TECPR2: variants seen among roughly 807,000 people sequenced by gnomAD.
TECPR2 encodes the protein tectonin beta-propeller repeat-containing protein 2.
A neutral mutation model predicts 138.1 loss-of-function variants in TECPR2; 65 were observed. The ratio of observed to expected loss-of-function variants is 0.47; its 90% confidence interval spans 0.39 to 0.58. The LOEUF is 0.58. Ranked by LOEUF, TECPR2 falls within the 20% of genes least tolerant of loss-of-function variation. The pLI is 0.00. For synonymous variants in TECPR2, 746 were observed against 749.8 expected (o/e 0.99, Z 0.08); for missense variants, 1,553 against 1,824.5 (o/e 0.85, Z 2.71).
Position 102,445,746 on chromosome 14 carries a change from A to G in TECPR2, c.2934-60A>G. On this transcript the variant is annotated intron_variant, in intron 12 of 19. Coordinates refer to ENST00000359520, the MANE Select transcript of TECPR2 (RefSeq NM_014844.5). ...GGGAGACCCTGGATGTCCGCAGTCC[A>G]GACACACTGGGCACTCTGCCTATGG... The G allele has an allele frequency of 3.2e-6, 5 of 1,564,588 alleles. No individual in the cohort carries two copies. In the South Asian group the frequency reaches 3.5e-5, roughly 11 times the overall value.
chr14:102,371,340 G>A (rs531468132), intron 1 of TECPR2, among the ~76,000 whole-genome samples: 59 of 152,322 alleles, frequency 3.9e-4, no homozygotes, highest in Middle Eastern at 3.4e-3. Context: ...GTGAGACAGC[G>A]GCTCTATGCC....
chr14:102,435,023 C>G lies in TECPR2; in HGVS notation c.2206C>G (p.His736Asp). Residue 736 changes from histidine (H) to aspartate (D), a missense_variant, in exon 9 of 20, where the codon CAC becomes GAC. His to Asp is a moderately conservative substitution (Grantham distance 81). Coordinates refer to ENST00000359520, the MANE Select transcript of TECPR2 (RefSeq NM_014844.5). The part of the protein sequence containing the change: ...TPVSALAAST[H>D]KPWLEQPPRD... ...GGTCTCTGCCTTGGCAGCCAGCACT[C>G]ACAAGCCCTGGCTTGAGCAGCCTCC... The G allele has an allele frequency of 6.2e-7, 1 of 1,614,142 alleles. No individual in the cohort carries two copies. Among genetic ancestry groups the G allele is most frequent in the Non-Finnish European group, 8.5e-7 (1 of 1,180,028 alleles).
At chr14:102,413,973 AT>A (rs965724546) in intron 4 of TECPR2, among the ~76,000 whole-genome samples, 60 of 151,380 alleles carry the variant, frequency 4.0e-4, no homozygotes, top group African/African-American at 1.1e-3. Flanking sequence ...AATAAAAAAA[AT>A]TTTTTTGTAG....
intron 3 of TECPR2, among the ~76,000 whole-genome samples, chr14:102,407,954 G>A (rs911649760): frequency 4.4e-4 from 67 of 151,232 alleles, no homozygotes; most frequent in African/African-American, 1.5e-3. Flanking sequence ...CGGAGATCAC[G>A]CCACTGCACT....
chr14:102,458,426 C>T (rs1890324656), intron 16 of TECPR2, among the ~76,000 whole-genome samples: 2 of 152,212 alleles, frequency 1.3e-5, no homozygotes, highest in South Asian at 2.1e-4. Flanking sequence ...TTGCCCTCCA[C>T]GTTACATGGC....
chr14:102,416,125 T>G (rs1450789741), intron 5 of TECPR2, among the ~76,000 whole-genome samples: 1 of 152,138 alleles, frequency 6.6e-6, no homozygotes, highest in Non-Finnish European at 1.5e-5. Flanking sequence ...TCTTTTTCTT[T>G]TTCTTTTTTG....
In TECPR2 at chr14:102,420,005, T is replaced by C. The variant is rs1889136014; in HGVS notation, c.639-4974T>C. Among the ~76,000 whole-genome samples, 1 of 152,210 alleles carries C rather than the reference T, an allele frequency of 6.6e-6. No individual in the cohort carries two copies. The highest frequency in any genetic ancestry group is 1.9e-4 in the East Asian group (1 of 5,198). ...AGTGGGTGTTAGCTGTTGAGATCTC[T>C]GGCAGGGCTTCTGTGGATCCTTCTT... On this transcript the variant is annotated intron_variant, in intron 5 of 19. Transcript: ENST00000359520. This position sits in a 1 kb window ranked among gnomAD's most constrained non-coding sequence, Gnocchi z 4.1.
At position 102,438,088 on chromosome 14, in the gene TECPR2, A is replaced by T; in HGVS notation, c.2461A>T (p.Lys821Ter). The T allele has an allele frequency of 6.2e-7, 1 of 1,613,922 alleles. No individual in the cohort carries two copies. Among genetic ancestry groups the T allele is most frequent in the Non-Finnish European group, 8.5e-7 (1 of 1,179,978 alleles). ...CATCCTCAGCTTGGTGGTCTCCGAGAAGTATATCTGGTGCCTGGACTACAA... is the reference window on the plus strand; with the variant it reads ...CATCCTCAGCTTGGTGGTCTCCGAGTAGTATATCTGGTGCCTGGACTACAA... The part of the protein sequence containing the change: ...YGILSLVVSE[K>*]YIWCLDYKGG... The change falls in exon 10 of 20, where the codon AAG (lysine) becomes TAG (stop). Residue 821 changes from lysine (K) to a stop codon, truncating the protein, a stop_gained. Coordinates refer to ENST00000359520, the MANE Select transcript of TECPR2 (RefSeq NM_014844.5). LOFTEE classifies it high-confidence loss of function.
Position 102,435,172 on chromosome 14 carries a change from G to T in TECPR2, c.2355G>T (p.Arg785=). The change falls in exon 9 of 20, where the codon CGG becomes CGT. Residue 785 remains arginine (R), a synonymous_variant. Coordinates refer to ENST00000359520, the MANE Select transcript of TECPR2 (RefSeq NM_014844.5). ...GPSCSQQDLS[R]LGAEDAGLLK... ...GTTGCTCCCAGCAGGACCTGAGCCG[G>T]CTGGGTGCAGAGGACGCCGGGCTGC... 6.2e-7 allele frequency: 1 copy of T among 1,612,836 alleles called. No homozygotes were observed. Among genetic ancestry groups the T allele is most frequent in the Non-Finnish European group, 8.5e-7 (1 of 1,179,990 alleles).
chr14:102,476,875 C>G (rs1473378788), intron 17 of TECPR2, among the ~76,000 whole-genome samples: 2 of 151,408 alleles, frequency 1.3e-5, no homozygotes, highest in Non-Finnish European at 2.9e-5. Flanking sequence ...AGCAACATGG[C>G]AAAACCCCGT....
chr14:102,408,396 C>G, intron 3 of TECPR2, 92 bp from the exon 4 acceptor site: 2 of 1,400,204 alleles, frequency 1.4e-6, no homozygotes, highest in Non-Finnish European at 1.9e-6. Flanking sequence ...TCTTCCCTAA[C>G]TAGGAGTGAT....
chr14:102,371,107 ATTTGAACTTGGGTCTT>A (rs1887495191), intron 1 of TECPR2, among the ~76,000 whole-genome samples: 1 of 152,012 alleles, frequency 6.6e-6, no homozygotes, highest in South Asian at 2.1e-4. Flanking sequence ...GAGCATTGGG[ATTTGAACTTGGGTCTT>A]TTTCACTTCA....
chr14:102,367,993 CCTTTTTTTTTTTTT>C (rs1567310816), intron 1 of TECPR2, among the ~76,000 whole-genome samples: 1 of 101,126 alleles, frequency 9.9e-6, no homozygotes, highest in Non-Finnish European at 2.0e-5. Context: ...TGCTTATTGG[CCTTTTTTTTTTTTT>C]TTTTTTTTTT....
At chr14:102,382,828 G>A (rs975099955) in intron 2 of TECPR2, among the ~76,000 whole-genome samples, 4 of 151,580 alleles carry the variant, frequency 2.6e-5, no homozygotes, top group Admixed American at 1.3e-4. Context: ...GTGCGATCTC[G>A]GCTCACTGCA....
In TECPR2 at chr14:102,410,470, T is replaced by TA. The variant is rs60487259; in HGVS notation, c.480+1862dup. Among the ~76,000 whole-genome samples, 44 of 135,516 alleles carry TA rather than the reference T, an allele frequency of 3.2e-4. 1 individual carries two copies. In the East Asian group the frequency reaches 5.5e-3, roughly 17 times the overall value. The allele number at this position is 135,516 out of a possible 152,430, so 88.9% of individuals were successfully genotyped here. On this transcript the variant is annotated intron_variant, in intron 4 of 19. Transcript: ENST00000359520. Reference sequence around the variant, plus strand: ...AAGAATTATCAATAAAAAAATAAATTAAAAAAAAAAATAAAAAATAAAAAA... The same window carrying TA: ...AAGAATTATCAATAAAAAAATAAATTAAAAAAAAAAAATAAAAAATAAAAAA...
rs149793306 is a variant in TECPR2, at chr14:102,376,838, G to A, written c.117G>A (p.Thr39=). 1.9e-5 allele frequency: 30 copies of A among 1,613,978 alleles called. No homozygotes were observed. The highest frequency in any genetic ancestry group is 6.7e-5 in the African/African-American group (5 of 74,886). Reference sequence around the variant, plus strand: ...TCCGCTCTATCGTGGTCTATCTCACGGCCCTCGACACCAACGGGGACTACA... The same window carrying A: ...TCCGCTCTATCGTGGTCTATCTCACAGCCCTCGACACCAACGGGGACTACA... ...KGFRSIVVYL[T]ALDTNGDYIA... Residue 39 remains threonine (T), a synonymous_variant, in exon 2 of 20, where the codon ACG becomes ACA. Transcript: ENST00000359520.
intron 2 of TECPR2, among the ~76,000 whole-genome samples, chr14:102,383,476 C>A (rs1435052038): frequency 6.6e-6 from 1 of 151,594 alleles, no homozygotes. Flanking sequence ...GGAGCGATCT[C>A]AGCCCACTGC....
rs1428585330 is a variant in TECPR2 at position 102,498,584 on chromosome 14, T to C, written c.*327T>C. 1.4e-5 allele frequency: 6 copies of C among 437,292 alleles called. No homozygotes were observed. Among genetic ancestry groups the C allele is most frequent in the Non-Finnish European group, 2.6e-5 (6 of 234,312 alleles). The allele number at this position is 437,292 out of a possible 1,614,324, so 27.1% of individuals were successfully genotyped here. ...CTCCAGCTTTTGTTGGTGGGAGTGG[T>C]CTCCGGAGGCCTCCCAGAACCAAGG... On this transcript the variant is annotated 3_prime_UTR_variant, in exon 20 of 20. Coordinates refer to ENST00000359520, the MANE Select transcript of TECPR2 (RefSeq NM_014844.5).
Position 102,452,271 on chromosome 14 carries a change from G to A in TECPR2, c.3407-123G>A, listed in dbSNP as rs890392077. 4.8e-5 allele frequency: 44 copies of A among 907,740 alleles called. 1 individual carries two copies. In the African/African-American group the frequency reaches 5.6e-4, roughly 12 times the overall value. The allele number at this position is 907,740 out of a possible 1,614,324, so 56.2% of individuals were successfully genotyped here. A position where few individuals can be genotyped will look rare whatever the true frequency, so the allele number is the denominator to read the frequency against. On this transcript the variant is annotated intron_variant, in intron 15 of 19. Transcript: ENST00000359520. ...TGCCCGTGTGGGAATGGGCAGGTGA[G>A]TGAGCTGGCATCTGTGGCCAGGTGG...
Sources: gnomAD v4.1 joint callset for allele counts (sites outside exome capture counted in the v4.1 genomes callset) on GRCh38, gnomAD v4.1.1 for gene constraint, Gnocchi (gnomAD v3.1) non-coding constraint, MANE v1.5 for transcripts, NCBI Gene and HGNC (gene_info 2026-07-23, HGNC 2026-07-21) for gene names.